Variants in ACSM2B observed in about 807,000 individuals in gnomAD.
The protein encoded by ACSM2B is acyl-CoA synthetase medium chain family member 2B, also known as acyl-coenzyme A synthetase ACSM2B, mitochondrial.
A neutral mutation model predicts 78.6 loss-of-function variants in ACSM2B; 58 were observed. That is an observed-to-expected ratio of 0.74 (90% confidence interval 0.60 to 0.92). The LOEUF (loss-of-function observed/expected upper bound fraction) is 0.92. ACSM2B is among the 40% of genes least tolerant of loss of function. The pLI, the probability that ACSM2B is intolerant of heterozygous loss-of-function variation, is 0.00. For synonymous variants in ACSM2B, 257 were observed against 256.8 expected, an observed-to-expected ratio of 1.00 and a Z score of -0.01; for missense variants, 688 against 711.2, an observed-to-expected ratio of 0.97 and a Z score of 0.37.
chr16:20,543,629 A>G (rs1007786243), intron 10 of ACSM2B, among the ~76,000 whole-genome samples: 31 of 152,210 alleles, frequency 2.0e-4, no homozygotes, highest in Admixed American at 1.6e-3. Flanking sequence ...CATTTTGATT[A>G]GGTACTTTTC....
At chr16:20,560,734 G>A (rs568696338) in intron 2 of ACSM2B, among the ~76,000 whole-genome samples, 113 of 152,194 alleles carry the variant, frequency 7.4e-4, no homozygotes, top group African/African-American at 2.7e-3. Flanking sequence ...AGAAATTGAA[G>A]AGTTTGGAAG....
intron 8 of ACSM2B, chr16:20,546,773 CA>C: frequency 3.3e-6 from 1 of 305,096 alleles, no homozygotes; most frequent in African/African-American, 2.1e-5. Context: ...TATGGATACC[CA>C]AAGCCCTTGC....
chr16:20,554,517 T>C (rs2015410509), intron 4 of ACSM2B, among the ~76,000 whole-genome samples: 1 of 152,208 alleles, frequency 6.6e-6, no homozygotes, highest in Non-Finnish European at 1.5e-5. Context: ...AGTTTTCCCT[T>C]CAAGTTTCCT....
At position 20,537,302 on chromosome 16, in the gene ACSM2B, G is replaced by A. The variant is rs374858896; in HGVS notation, c.1690C>T (p.Arg564Ter). Residue 564 changes from arginine to a stop codon, truncating the protein, a stop_gained, in exon 14 of 14, where the codon CGA (arginine) becomes TGA (stop). Transcript: ENST00000329697. LOFTEE classifies it high-confidence loss of function. ...VTGKIQRTKLRDKEWKMSGKA... is the reference protein window; with the variant it reads ...VTGKIQRTKL ...CCGGACATCTTCCACTCCTTGTCTC[G>A]AAGTTTGGTTCGTTGAATTTTCCCT... is the stretch of plus-strand genomic sequence containing the variant. 4.4e-5 allele frequency: 71 copies of A among 1,613,990 alleles called. 3 individuals are homozygous for A. The highest frequency in any genetic ancestry group is 5.8e-5 in the Non-Finnish European group (68 of 1,179,908).
At chr16:20,567,966 T>A (rs1254584395) in intron 1 of ACSM2B, among the ~76,000 whole-genome samples, 1 of 143,386 alleles carries the variant, frequency 7.0e-6, no homozygotes, top group Non-Finnish European at 1.5e-5. Flanking sequence ...TTTAAAAATA[T>A]TTTATATATA....
At chr16:20,559,513 G>A (rs1432707038) in intron 2 of ACSM2B, 66 bp from the exon 3 acceptor site, 2 of 1,561,590 alleles carry the variant, frequency 1.3e-6, no homozygotes, top group Admixed American at 1.8e-5. Flanking sequence ...TAAATTCCAA[G>A]TCTTGGGATT....
rs1223261902 is a variant in ACSM2B, at chr16:20,553,784, C to A, written c.733G>T (p.Asp245Tyr). The change falls in exon 5 of 14, where the codon GAT (aspartate) becomes TAT (tyrosine). Residue 245 changes from aspartate to tyrosine, a missense_variant. By Grantham distance (160) the Asp-to-Tyr change is radical (BLOSUM62 -3). Coordinates refer to ENST00000329697, the MANE Select transcript of ACSM2B (RefSeq NM_001105069.2). ...YSSLGLKAKM[D>Y]AGWTGLQASD... ...AGAAAGAGCTCAGCTTACCCAGCAT[C>A]CATCTTGGCCTTGAGGCCCAGGCTC... The A allele has an allele frequency of 3.1e-6, 5 of 1,607,156 alleles. No individual in the cohort carries two copies. The Admixed American group carries it at 8.4e-5, about 27-fold the overall frequency.
chr16:20,552,741 C>T (rs1171151099), intron 5 of ACSM2B, among the ~76,000 whole-genome samples: 1 of 152,180 alleles, frequency 6.6e-6, no homozygotes, highest in Non-Finnish European at 1.5e-5. Context: ...GCCCATAAAG[C>T]TGATGGTCTT....
At chr16:20,546,743 G>C in intron 8 of ACSM2B, 1 of 420,332 alleles carries the variant, frequency 2.4e-6, no homozygotes, top group Non-Finnish European at 3.8e-6. Context: ...TTTAGGGGGA[G>C]TCACATTTTA....
chr16:20,555,512 T>C (rs757312074), intron 3 of ACSM2B, 36 bp from the exon 4 acceptor site: 95 of 1,610,446 alleles, frequency 5.9e-5, no homozygotes, highest in Non-Finnish European at 7.7e-5. Context: ...TTGGAAAGGA[T>C]GGTTTTCTTT....
intron 1 of ACSM2B, among the ~76,000 whole-genome samples, chr16:20,566,645 C>CTATATA (rs375962180): frequency 8.6e-5 from 1 of 11,604 alleles, no homozygotes; most frequent in African/African-American, 3.4e-4. Context: ...TATATATATA[C>CTATATA]TATACTATAT....
At chr16:20,571,485 C>T (rs2016092784) in intron 1 of ACSM2B, among the ~76,000 whole-genome samples, 1 of 151,350 alleles carries the variant, frequency 6.6e-6, no homozygotes, top group Admixed American at 6.6e-5. Context: ...GTTTTGTGGC[C>T]TATCATATGG....
At chr16:20,548,782 A>T (rs1207384861) in intron 6 of ACSM2B, among the ~76,000 whole-genome samples, 1 of 152,120 alleles carries the variant, frequency 6.6e-6, no homozygotes, top group Non-Finnish European at 1.5e-5. Context: ...CACCCCTAGG[A>T]GTATATCACC....
At position 20,545,906 on chromosome 16, in the gene ACSM2B, C is replaced by T. The variant is rs554590143; in HGVS notation, c.1179+488G>A. On this transcript the variant is annotated intron_variant, in intron 9 of 13. Coordinates refer to ENST00000329697, the MANE Select transcript of ACSM2B (RefSeq NM_001105069.2). Reference sequence around the variant, plus strand: ...AATAAAACTTTAGCTACTACACATTCATTATAGTGTATTTTTACTAGTGAA... The same window carrying T: ...AATAAAACTTTAGCTACTACACATTTATTATAGTGTATTTTTACTAGTGAA... Among the ~76,000 whole-genome samples the T allele has an allele frequency of 2.2e-4, 33 of 152,264 alleles. No homozygotes were observed. The East Asian group carries it at 5.4e-3, about 25-fold the overall frequency.
intron 12 of ACSM2B, chr16:20,542,031 T>A (rs2015008691): frequency 6.6e-6 from 1 of 152,110 alleles, no homozygotes; most frequent in Non-Finnish European, 1.5e-5. Context: ...TACACGCAAA[T>A]ATGGTAATTA....
intron 10 of ACSM2B, chr16:20,544,481 A>G: frequency 8.1e-6 from 6 of 744,286 alleles, no homozygotes; most frequent in Non-Finnish European, 9.8e-6. Flanking sequence ...TGTTTATACA[A>G]CAATGCTTGC....
rs552610009 is a variant in ACSM2B, at chr16:20,537,182, C to G, written c.*76G>C. 747 of 1,537,768 alleles carry G rather than the reference C, an allele frequency of 4.9e-4. 5 individuals carry two copies. Among genetic ancestry groups the G allele is most frequent in the Non-Finnish European group, 5.6e-4 (622 of 1,118,436 alleles). On this transcript the variant is annotated 3_prime_UTR_variant, in exon 14 of 14. Coordinates refer to ENST00000329697, the MANE Select transcript of ACSM2B (RefSeq NM_001105069.2). ...TCTTTCATAAAGAATCTCATATCAT[C>G]ATAGTAAGGCCAAGGGCCCAAAGGG... is the stretch of plus-strand genomic sequence containing the variant.
At chr16:20,544,809 C>A in intron 10 of ACSM2B, 1 of 1,002,718 alleles carries the variant, frequency 1.0e-6, no homozygotes, top group Non-Finnish European at 1.2e-6. Flanking sequence ...CGGCATAGAT[C>A]ATGGGGATGA....
At chr16:20,540,815 T>C (rs781247790) in intron 12 of ACSM2B, 42 bp from the exon 13 acceptor site, 9 of 1,596,760 alleles carry the variant, frequency 5.6e-6, no homozygotes, top group Admixed American at 3.4e-5. Context: ...GATTAGAGTG[T>C]GTAGTCATCT....
Sources: gnomAD v4.1 joint callset for allele counts (sites outside exome capture counted in the v4.1 genomes callset) on GRCh38, gnomAD v4.1.1 for gene constraint, MANE v1.5 for transcripts, NCBI Gene and HGNC (gene_info 2026-07-23, HGNC 2026-07-21) for gene names.